PARVA: variants seen among roughly 807,000 people sequenced by gnomAD.
The protein encoded by PARVA is alpha-parvin.
PARVA carries 25 observed loss-of-function variants against 52.6 expected under a neutral mutation model. The observed-to-expected ratio is 0.48, with a 90% confidence interval of 0.35 to 0.66. The LOEUF (loss-of-function observed/expected upper bound fraction) is 0.66, where lower values mean the gene tolerates loss of function less well. Ranked by LOEUF, PARVA falls within the 30% of genes least tolerant of loss-of-function variation. The pLI is 0.01. For synonymous variants in PARVA, 185 were observed against 179.1 expected (o/e 1.03, Z -0.26); for missense variants, 373 against 450.9 (o/e 0.83, Z 1.56).
intron 1 of PARVA, among the ~76,000 whole-genome samples, chr11:12,466,878 G>T (rs552162035): frequency 2.6e-5 from 4 of 151,958 alleles, no homozygotes; most frequent in African/African-American, 9.7e-5. Flanking sequence ...TAGGTCTCTC[G>T]CCTTTTTGTG....
chr11:12,434,841 G>A (rs969929622), intron 1 of PARVA, among the ~76,000 whole-genome samples: 3 of 152,164 alleles, frequency 2.0e-5, no homozygotes, highest in African/African-American at 4.8e-5. Flanking sequence ...AACCCAGAAG[G>A]CATTTTTACC....
intron 1 of PARVA, among the ~76,000 whole-genome samples, chr11:12,387,099 T>A (rs1939583922): frequency 6.6e-6 from 1 of 152,238 alleles, no homozygotes; most frequent in Admixed American, 6.5e-5. Context: ...ATCTAAAATC[T>A]CCACTCACTG....
chr11:12,469,876 T>TA (rs1940910372), intron 1 of PARVA, among the ~76,000 whole-genome samples: 1 of 152,228 alleles, frequency 6.6e-6, no homozygotes, highest in Non-Finnish European at 1.5e-5. Flanking sequence ...AACAATGATC[T>TA]ACACAGAAAA....
chr11:12,472,449 T>G (rs1245795932), intron 1 of PARVA, among the ~76,000 whole-genome samples: 1 of 150,280 alleles, frequency 6.7e-6, no homozygotes, highest in Non-Finnish European at 1.5e-5. Flanking sequence ...GGTGACTGGC[T>G]GGTACCCTAT....
intron 12 of PARVA, among the ~76,000 whole-genome samples, chr11:12,524,823 C>T (rs1941680448): frequency 6.6e-6 from 1 of 152,220 alleles, no homozygotes; most frequent in Non-Finnish European, 1.5e-5. Context: ...ACCTACAGTC[C>T]AGGACAGAGG....
chr11:12,442,318 G>A (rs2135005031), intron 1 of PARVA, among the ~76,000 whole-genome samples: 1 of 152,344 alleles, frequency 6.6e-6, no homozygotes, highest in Non-Finnish European at 1.5e-5. Context: ...TTGCTATAGA[G>A]TTAAATAAGA....
At chr11:12,437,734 A>T (rs1402280056) in intron 1 of PARVA, among the ~76,000 whole-genome samples, 3 of 152,184 alleles carry the variant, frequency 2.0e-5, no homozygotes, top group Non-Finnish European at 4.4e-5. Flanking sequence ...TGTGGGGAAT[A>T]CGCTGAAGCT....
chr11:12,378,376 G>T (rs1451901958), intron 1 of PARVA, among the ~76,000 whole-genome samples: 1 of 152,154 alleles, frequency 6.6e-6, no homozygotes, highest in Non-Finnish European at 1.5e-5. Flanking sequence ...GGTGGACATC[G>T]AGTGTTTGTT....
At chr11:12,447,795 C>T (rs1391823442) in intron 1 of PARVA, among the ~76,000 whole-genome samples, 2 of 152,046 alleles carry the variant, frequency 1.3e-5, no homozygotes, top group Admixed American at 1.3e-4. Flanking sequence ...TTCCAGGCAC[C>T]CATCAAAAAG....
At chr11:12,520,179 A>G (rs951948895) in intron 12 of PARVA, among the ~76,000 whole-genome samples, 1 of 152,358 alleles carries the variant, frequency 6.6e-6, no homozygotes, top group South Asian at 2.1e-4. Flanking sequence ...CTGAATGTGA[A>G]ACTAACAGAC....
intron 1 of PARVA, among the ~76,000 whole-genome samples, chr11:12,470,885 A>T (rs912711616): frequency 6.6e-6 from 1 of 152,188 alleles, no homozygotes; most frequent in Admixed American, 6.5e-5. Flanking sequence ...GGGGAAATGC[A>T]AGCAAAGCAG....
intron 1 of PARVA, among the ~76,000 whole-genome samples, chr11:12,379,794 A>G (rs2134939753): frequency 6.6e-6 from 1 of 152,336 alleles, no homozygotes; most frequent in South Asian, 2.1e-4. Flanking sequence ...TATTTTGGTA[A>G]CCCATCGAGT....
chr11:12,422,079 A>C (rs1020065058), intron 1 of PARVA, among the ~76,000 whole-genome samples: 4 of 152,176 alleles, frequency 2.6e-5, no homozygotes, highest in African/African-American at 7.2e-5. Flanking sequence ...AATGTTTTGC[A>C]TTTAGGGTTC....
rs141945590 is a variant in PARVA at position 12,481,711 on chromosome 11, C to T, written c.400+3762C>T. Among the ~76,000 whole-genome samples, 277 of 152,244 alleles carry T rather than the reference C, an allele frequency of 1.8e-3. 1 individual carries two copies. Among genetic ancestry groups the T allele is most frequent in the African/African-American group, 6.4e-3 (264 of 41,536 alleles). The stretch of plus-strand genomic sequence containing the variant: ...TGTTCCCAGAAATCCAGCTTCTAAT[C>T]GTACTGGGGGTTGAGCTTCCTTAAT... On this transcript the variant is annotated intron_variant, in intron 4 of 12. Coordinates refer to ENST00000334956, the MANE Select transcript of PARVA (RefSeq NM_018222.5).
chr11:12,510,535 C>A (rs1941491180), intron 7 of PARVA, among the ~76,000 whole-genome samples: 1 of 151,968 alleles, frequency 6.6e-6, no homozygotes, highest in Admixed American at 6.6e-5. Context: ...TTTTTTTCCA[C>A]ACTTCTGATA....
At chr11:12,376,756 T>G (rs1939394918), upstream of PARVA, 1 of 980,636 alleles carries the variant, frequency 1.0e-6, no homozygotes, top group Non-Finnish European at 1.2e-6. Flanking sequence ...AACACGTGCC[T>G]TTTAATCATT....
chr11:12,504,212 C>T, intron 5 of PARVA, 102 bp from the exon 6 acceptor site: 1 of 677,202 alleles, frequency 1.5e-6, no homozygotes, highest in Non-Finnish European at 2.7e-6. Context: ...GGACAAATAT[C>T]CAAACTCTAT....
chr11:12,424,021 T>C (rs1940190880), intron 1 of PARVA, among the ~76,000 whole-genome samples: 1 of 152,238 alleles, frequency 6.6e-6, no homozygotes, highest in African/African-American at 2.4e-5. Context: ...TGTTAATCTA[T>C]TTTTTGTTTT....
At chr11:12,497,335 AAGATT>A (rs1024177860) in intron 5 of PARVA, among the ~76,000 whole-genome samples, 1 of 152,228 alleles carries the variant, frequency 6.6e-6, no homozygotes, top group Non-Finnish European at 1.5e-5. Flanking sequence ...AGATTAATAA[AAGATT>A]AGATTAGACT....
Sources: gnomAD v4.1 joint callset for allele counts (sites outside exome capture counted in the v4.1 genomes callset) on GRCh38, gnomAD v4.1.1 for gene constraint, MANE v1.5 for transcripts, NCBI Gene and HGNC (gene_info 2026-07-23, HGNC 2026-07-21) for gene names.